Variants in ARSG observed in about 807,000 individuals in gnomAD.
ARSG encodes arylsulfatase G, also known as ASG.
ARSG carries 37 observed loss-of-function variants against 50.5 expected under a neutral mutation model. That is an observed-to-expected ratio of 0.73 (90% CI 0.56 to 0.96). The LOEUF (loss-of-function observed/expected upper bound fraction) is 0.96. Among genes scored for constraint, ARSG ranks in the 50% least tolerant of loss-of-function variants. The probability of loss-of-function intolerance (pLI) is 0.00; values close to 1 mark genes in which losing one functional copy is unlikely to be tolerated. For missense variants in ARSG, 629 were observed against 675.3 expected (o/e 0.93, Z 0.76); for synonymous variants, 225 against 254.6 (o/e 0.88, Z 1.11).
chr17:68,348,313 T>C (rs1324509159), intron 4 of ARSG, among the ~76,000 whole-genome samples: 1 of 152,174 alleles, frequency 6.6e-6, no homozygotes, highest in Non-Finnish European at 1.5e-5. Context: ...AGATCAGGTG[T>C]TGGCACCTTG....
the ARSG span, among the ~76,000 whole-genome samples, chr17:68,446,177 C>T: frequency 6.6e-6 from 1 of 152,050 alleles, no homozygotes; most frequent in African/African-American, 2.4e-5. Context: ...AATTTAAACA[C>T]ATTTCTCAAT....
chr17:68,265,910 C>A (rs1400372686), intron 1 of ARSG, among the ~76,000 whole-genome samples: 22 of 152,274 alleles, frequency 1.4e-4, no homozygotes, highest in African/African-American at 5.3e-4. Flanking sequence ...TTTTGACCCT[C>A]AATGGCAGAG....
At chr17:68,281,862 C>A (rs2075706325) in intron 1 of ARSG, among the ~76,000 whole-genome samples, 1 of 152,050 alleles carries the variant, frequency 6.6e-6, no homozygotes, top group African/African-American at 2.4e-5. Context: ...GGAGCTTCCT[C>A]AAAAAACTAC....
intron 2 of ARSG, among the ~76,000 whole-genome samples, chr17:68,339,950 A>T (rs1489871863): frequency 6.6e-6 from 1 of 152,062 alleles, no homozygotes; most frequent in African/African-American, 2.4e-5. Context: ...TAGCTGGGGG[A>T]TGGGTTGATT....
At chr17:68,280,311 A>G (rs990200691) in intron 1 of ARSG, among the ~76,000 whole-genome samples, 2 of 152,200 alleles carry the variant, frequency 1.3e-5, no homozygotes, top group South Asian at 4.1e-4. Context: ...GTATGGAACC[A>G]CAAAAGATCA....
In ARSG at chr17:68,263,852, A is replaced by G. The variant is rs142392956; in HGVS notation, c.-552+4426A>G. Among the ~76,000 whole-genome samples, 688 of 151,542 alleles carry G rather than the reference A, an allele frequency of 4.5e-3. 3 individuals are homozygous for G. Among genetic ancestry groups the G allele is most frequent in the Admixed American group, 8.4e-3 (128 of 15,190 alleles). ...AACTAAGGATCATGATTTCTTTTTT[A>G]TTTTTTCTTAATTTTTATTTTTTGA... On this transcript the variant is annotated intron_variant, in intron 1 of 11. Coordinates refer to the ARSG transcript ENST00000448504.
At chr17:68,304,290 C>G (rs1258395228) in intron 1 of ARSG, among the ~76,000 whole-genome samples, 6 of 152,250 alleles carry the variant, frequency 3.9e-5, no homozygotes, top group African/African-American at 9.6e-5. Flanking sequence ...GAGGCTCTTT[C>G]TCCTGAAAAG....
chr17:68,271,368 G>A lies in ARSG; in HGVS notation c.-552+11942G>A, dbSNP rs782416591. ...TGGTCTTCACCAGGACCTGCTGCAT[G>A]TCGGCCTTCGGCTCCAGTTCCAGGT... On this transcript the variant is annotated intron_variant, in intron 1 of 11. Coordinates refer to the ARSG transcript ENST00000448504. The surrounding 1 kb of genome is among the most constrained non-coding windows in gnomAD (Gnocchi z 5.3). The A allele has an allele frequency of 1.9e-6, 3 of 1,614,252 alleles. No individual in the cohort carries two copies. Among genetic ancestry groups the A allele is most frequent in the Non-Finnish European group, 2.5e-6 (3 of 1,180,052 alleles).
chr17:68,279,012 T>C (rs1376394152), intron 1 of ARSG, among the ~76,000 whole-genome samples: 1 of 152,168 alleles, frequency 6.6e-6, no homozygotes, highest in African/African-American at 2.4e-5. Flanking sequence ...GTATTGTACA[T>C]GGGGCCTCCC....
intron 9 of ARSG, among the ~76,000 whole-genome samples, chr17:68,386,787 G>A (rs2080746912): frequency 6.6e-6 from 1 of 152,166 alleles, no homozygotes; most frequent in South Asian, 2.1e-4. Context: ...AAGCCAACCA[G>A]TGGCTTCTCA....
At chr17:68,275,940 A>C (rs1599518447) in intron 1 of ARSG, among the ~76,000 whole-genome samples, 1 of 150,878 alleles carries the variant, frequency 6.6e-6, no homozygotes, top group East Asian at 2.0e-4. Context: ...CTGAGACCGC[A>C]CCACTGCACT....
At chr17:68,278,964 G>A (rs1555751930) in intron 1 of ARSG, among the ~76,000 whole-genome samples, 1 of 151,966 alleles carries the variant, frequency 6.6e-6, no homozygotes, top group Non-Finnish European at 1.5e-5. Context: ...TAAAGTATTT[G>A]GATACTTTTA....
At chr17:68,325,226 G>T (rs1555771952) in intron 2 of ARSG, among the ~76,000 whole-genome samples, 1 of 152,050 alleles carries the variant, frequency 6.6e-6, no homozygotes, top group African/African-American at 2.4e-5. Context: ...ATTCTCACAG[G>T]AGTGCGAGCC....
At chr17:68,377,988 T>C (rs1160052965) in intron 8 of ARSG, among the ~76,000 whole-genome samples, 1 of 152,160 alleles carries the variant, frequency 6.6e-6, no homozygotes. Context: ...GGGTAAATAC[T>C]TCTTCTTCCT....
At chr17:68,430,071 A>C in the ARSG span, 1 of 1,614,192 alleles carries the variant, frequency 6.2e-7, no homozygotes, top group Admixed American at 1.7e-5. Flanking sequence ...CTGATGCATC[A>C]TGTCTGACAC....
At chr17:68,287,552 G>C (rs2075869467), upstream of ARSG, among the ~76,000 whole-genome samples, 1 of 152,086 alleles carries the variant, frequency 6.6e-6, no homozygotes, top group East Asian at 1.9e-4. Context: ...TTATGTCTGA[G>C]CTATTCTACT....
At chr17:68,292,641 A>C (rs1191513858) in intron 1 of ARSG, among the ~76,000 whole-genome samples, 14 of 152,146 alleles carry the variant, frequency 9.2e-5, no homozygotes, top group Non-Finnish European at 1.5e-5. Context: ...TTGGGAGTGC[A>C]TGCACGGAGG....
At chr17:68,309,602 C>G (rs1413650825) in intron 2 of ARSG, among the ~76,000 whole-genome samples, 1 of 152,098 alleles carries the variant, frequency 6.6e-6, no homozygotes, top group African/African-American at 2.4e-5. Flanking sequence ...CAGTGGCTCA[C>G]GCCTGTAGCA....
At chr17:68,276,352 G>A (rs1599521091) in intron 1 of ARSG, among the ~76,000 whole-genome samples, 1 of 152,288 alleles carries the variant, frequency 6.6e-6, no homozygotes, top group Non-Finnish European at 1.5e-5. Context: ...ATTTAAAGAA[G>A]GGCTTTAATT....
Sources: allele counts gnomAD v4.1 joint callset (sites outside exome capture counted in the v4.1 genomes callset), GRCh38; gene constraint gnomAD v4.1.1; non-coding constraint Gnocchi (gnomAD v3.1); transcripts MANE v1.5; gene names NCBI Gene and HGNC (gene_info 2026-07-23, HGNC 2026-07-21).